The following MFAP5 variants were observed in gnomAD, a reference collection of about 807,000 sequenced individuals.
MFAP5 encodes the protein microfibrillar-associated protein 5.
MFAP5 carries 19 observed loss-of-function variants against 30.1 expected under a neutral mutation model. The ratio of observed to expected loss-of-function variants is 0.63; its 90% CI spans 0.44 to 0.93. The LOEUF (loss-of-function observed/expected upper bound fraction) is 0.93. Among genes scored for constraint, MFAP5 ranks in the 40% least tolerant of loss-of-function variants. The probability of loss-of-function intolerance (pLI) is 0.00; values close to 1 mark genes in which losing one functional copy is unlikely to be tolerated. For synonymous variants in MFAP5, 92 were observed against 72.9 expected (o/e 1.26, Z -1.33); for missense variants, 210 against 221.3 (o/e 0.95, Z 0.32).
chr12:8,650,606 CA>C lies in MFAP5; in HGVS notation c.248-18del, dbSNP rs3841565. 113,878 of 1,606,252 alleles carry C rather than the reference CA, an allele frequency of 0.071. 5,325 individuals carry two copies. Among genetic ancestry groups the C allele is most frequent in the African/African-American group, 0.24 (17,557 of 74,430 alleles). ...CCCAGCACTCTGAGGAAGCCCAATACAAAAAAATAAGGAGGTCCAAATAGAA... is the reference window on the plus strand; with the variant it reads ...CCCAGCACTCTGAGGAAGCCCAATACAAAAAATAAGGAGGTCCAAATAGAA... On this transcript the variant is annotated intron_variant, in intron 7 of 9. Transcript: ENST00000359478.
At chr12:8,653,115 C>T (rs1191418381) in intron 6 of MFAP5, among the ~76,000 whole-genome samples, 1 of 151,696 alleles carries the variant, frequency 6.6e-6, no homozygotes, top group Non-Finnish European at 1.5e-5. Flanking sequence ...TTGCTTGAAC[C>T]CGGGAGGCGG....
In MFAP5 at chr12:8,648,194, C is replaced by A. The variant is rs1941736744; in HGVS notation, c.419G>T (p.Cys140Phe). ...KEHEAMKDEL[C>F]RQMAGLPPRR... ...AGGGGGCAGACCAGCCATCTGACGG[C>A]AAAGCTCATCTAGAAGAGAAGCAGA... Residue 140 changes from cysteine to phenylalanine, a missense_variant, in exon 10 of 10, where the codon TGC becomes TTC. Cys to Phe is a radical substitution (Grantham distance 205). Transcript: ENST00000359478. The A allele has an allele frequency of 1.2e-6, 2 of 1,612,676 alleles. No individual in the cohort carries two copies. Among genetic ancestry groups the A allele is most frequent in the African/African-American group, 1.3e-5 (1 of 74,974 alleles).
At chr12:8,652,022 C>T (rs1264245998) in intron 6 of MFAP5, among the ~76,000 whole-genome samples, 1 of 152,164 alleles carries the variant, frequency 6.6e-6, no homozygotes, top group Non-Finnish European at 1.5e-5. Context: ...CCCAGAGGAG[C>T]TTCTTCCTAG....
intron 9 of MFAP5, chr12:8,648,566 G>GA (rs1477121735): frequency 7.9e-7 from 1 of 1,260,898 alleles, no homozygotes; most frequent in African/African-American, 1.5e-5. Context: ...CTATTAAATA[G>GA]AAAAATGAGA....
chr12:8,659,462 A>G (rs1942089411), intron 3 of MFAP5, among the ~76,000 whole-genome samples: 1 of 152,152 alleles, frequency 6.6e-6, no homozygotes, highest in Admixed American at 6.5e-5. Flanking sequence ...ATACCTTATG[A>G]TATGTCTGCG....
chr12:8,648,625 A>T (rs1941747903), intron 9 of MFAP5: 1 of 898,054 alleles, frequency 1.1e-6, no homozygotes, highest in African/African-American at 1.7e-5. Flanking sequence ...CAAACAGCTA[A>T]CTTTAGGAAG....
rs1387589317 is a variant in MFAP5 at position 8,646,475 on chromosome 12, T to G, written c.*1616A>C. 1 of 152,160 alleles carries G rather than the reference T, an allele frequency of 6.6e-6. No individual in the cohort carries two copies. Among genetic ancestry groups the G allele is most frequent in the East Asian group, 1.9e-4 (1 of 5,208 alleles). The allele number at this position is 152,160 out of a possible 1,614,324, so 9.4% of individuals were successfully genotyped here. On this transcript the variant is annotated 3_prime_UTR_variant, in exon 10 of 10. Coordinates refer to ENST00000359478, the MANE Select transcript of MFAP5 (RefSeq NM_003480.4). ...ATTTGTCATTTGTTATAATGGGATT[T>G]TCTTCTATTCCATTGTGGACTGCTA...
At chr12:8,648,534 G>A in intron 9 of MFAP5, 1 of 1,288,052 alleles carries the variant, frequency 7.8e-7, no homozygotes. Flanking sequence ...ATATCCAGCT[G>A]CCAATTCTTC....
chr12:8,656,591 TACACACACACACACACAC>T (rs1268100031), intron 3 of MFAP5, among the ~76,000 whole-genome samples: 4 of 130,842 alleles, frequency 3.1e-5, no homozygotes, highest in African/African-American at 9.5e-5. Flanking sequence ...TATATATATA[TACACACACACACACACAC>T]ATATATATAC....
intron 2 of MFAP5, among the ~76,000 whole-genome samples, chr12:8,661,550 CTTTT>C (rs34808495): frequency 7.1e-6 from 1 of 141,828 alleles, no homozygotes; most frequent in Non-Finnish European, 1.6e-5. Context: ...TTCTTTTTTC[CTTTT>C]TTTTTTTAAT....
intron 9 of MFAP5, 46 bp from the exon 10 acceptor site, chr12:8,648,249 C>A: frequency 6.8e-7 from 1 of 1,480,616 alleles, no homozygotes; most frequent in Non-Finnish European, 9.4e-7. Flanking sequence ...CAGAAGATAA[C>A]AAAGGCTCTT....
intron 2 of MFAP5, among the ~76,000 whole-genome samples, chr12:8,661,143 A>G (rs1942139054): frequency 6.6e-6 from 1 of 152,186 alleles, no homozygotes. Context: ...AAGAAAAAAA[A>G]GACAAGTTCC....
rs780574556 is a variant in MFAP5 at position 8,656,295 on chromosome 12, C to G, written c.95-465G>C. Among the ~76,000 whole-genome samples, 538 of 151,868 alleles carry G rather than the reference C, an allele frequency of 3.5e-3. 1 individual carries two copies. The highest frequency in any genetic ancestry group is 0.012 in the South Asian group (58 of 4,794). On this transcript the variant is annotated intron_variant, in intron 3 of 9. Coordinates refer to ENST00000359478, the MANE Select transcript of MFAP5 (RefSeq NM_003480.4). ...GATCTCCTGACCTCGTGAACCGCCCCCCTCGGCCTCCCAAAGTGCTGGGAT... is the reference window on the plus strand; with the variant it reads ...GATCTCCTGACCTCGTGAACCGCCCGCCTCGGCCTCCCAAAGTGCTGGGAT...
chr12:8,661,317 A>C (rs1942144224), intron 2 of MFAP5, among the ~76,000 whole-genome samples: 1 of 152,120 alleles, frequency 6.6e-6, no homozygotes, highest in Non-Finnish European at 1.5e-5. Flanking sequence ...CGGAAGAAGG[A>C]GGGAAAAAAA....
chr12:8,650,713 C>A, intron 7 of MFAP5, 124 bp from the exon 8 acceptor site: 1 of 793,106 alleles, frequency 1.3e-6, no homozygotes. Context: ...TACAGAGAAT[C>A]ATTATAAATT....
At chr12:8,660,554 G>T (rs375869843) in intron 3 of MFAP5, among the ~76,000 whole-genome samples, 4 of 152,054 alleles carry the variant, frequency 2.6e-5, no homozygotes, top group East Asian at 1.9e-4. Flanking sequence ...AGCATTTTCT[G>T]AGTAAGATAG....
chr12:8,660,749 CT>C lies in MFAP5; in HGVS notation c.94+113del, dbSNP rs35362262. 0.21 allele frequency: 129,404 copies of C among 630,818 alleles called. 378 individuals are homozygous for C. The highest frequency in any genetic ancestry group is 0.23 in the Non-Finnish European group (89,614 of 396,138). The allele number at this position is 630,818 out of a possible 1,614,324, so 39.1% of individuals were successfully genotyped here. On this transcript the variant is annotated intron_variant, in intron 3 of 9. Transcript: ENST00000359478. ...GCATCTCTTTGTTGTAGGAAATATT[CT>C]TTTTTTTTTTTTTTTGGCAGCGATA...
chr12:8,649,591 G>A lies in MFAP5; in HGVS notation c.336-17C>T. 1 of 1,611,318 alleles carries A rather than the reference G, an allele frequency of 6.2e-7. No individual in the cohort carries two copies. Among genetic ancestry groups the A allele is most frequent in the Non-Finnish European group, 8.5e-7 (1 of 1,177,866 alleles). On this transcript the variant is annotated splice_polypyrimidine_tract_variant and intron_variant, in intron 8 of 9. Transcript: ENST00000359478. Reference sequence around the variant, plus strand: ...CGTCGTAAACTGCAGACGTCCCAGTGTCATAGGCAAGGAAGGAGATGGAAG... The same window carrying A: ...CGTCGTAAACTGCAGACGTCCCAGTATCATAGGCAAGGAAGGAGATGGAAG...
Position 8,648,140 on chromosome 12 carries a change from C to A in MFAP5, c.473G>T (p.Arg158Leu). The change falls in exon 10 of 10, where the codon CGA (arginine) becomes CTA (leucine). Residue 158 changes from arginine (R) to leucine (L), a missense_variant. By Grantham distance (102) the Arg-to-Leu change is moderately radical. Transcript: ENST00000359478. ...PRRLRRSNYFRLPPCENVDLQ... is the reference protein window; with the variant it reads ...PRRLRRSNYFLLPPCENVDLQ... ...ATCCACATTTTCACAGGGAGGAAGTCGGAAGTAATTGGAGCGACGGAGTCT... is the reference window on the plus strand; with the variant it reads ...ATCCACATTTTCACAGGGAGGAAGTAGGAAGTAATTGGAGCGACGGAGTCT... 6.2e-7 allele frequency: 1 copy of A among 1,613,920 alleles called. No homozygotes were observed. The highest frequency in any genetic ancestry group is 8.5e-7 in the Non-Finnish European group (1 of 1,179,910).
Sources: allele counts gnomAD v4.1 joint callset (sites outside exome capture counted in the v4.1 genomes callset), GRCh38; gene constraint gnomAD v4.1.1; transcripts MANE v1.5; gene names NCBI Gene and HGNC (gene_info 2026-07-23, HGNC 2026-07-21).